The following ZNF618 variants were observed in gnomAD, a reference collection of about 807,000 sequenced individuals.
The protein encoded by ZNF618 is zinc finger protein 618.
ZNF618 carries 34 observed loss-of-function variants against 103.0 expected under a neutral mutation model. That is an observed-to-expected ratio of 0.33 (90% confidence interval 0.25 to 0.44). ZNF618 has a LOEUF of 0.44. Ranked by LOEUF, ZNF618 falls within the 20% of genes least tolerant of loss-of-function variation. The pLI, the probability that ZNF618 is intolerant of heterozygous loss-of-function variation, is 1.00. For missense variants in ZNF618, 1,059 were observed against 1,295.4 expected (o/e 0.82, Z 2.80); for synonymous variants, 551 against 542.2 (o/e 1.02, Z -0.23).
At chr9:114,000,469 A>T (rs1841078854) in intron 4 of ZNF618, among the ~76,000 whole-genome samples, 1 of 148,246 alleles carries the variant, frequency 6.7e-6, no homozygotes, top group Admixed American at 6.8e-5. Flanking sequence ...TTCTTAAAAC[A>T]TTGTAAGTCT....
rs1441658150 is a variant in ZNF618, at chr9:114,054,060, C to T, written c.*3893C>T. ...ACCAGGTGTGCAGGCTGGGAAGAGA[C>T]ATCTCTTTCAGTTTGACCCTTTATC... On this transcript the variant is annotated 3_prime_UTR_variant, in exon 15 of 15. Coordinates refer to ENST00000374126, the MANE Select transcript of ZNF618 (RefSeq NM_001318042.2). The T allele has an allele frequency of 6.6e-6, 1 of 152,616 alleles. No homozygotes were observed. Among genetic ancestry groups the T allele is most frequent in the Non-Finnish European group, 1.5e-5 (1 of 68,054 alleles). The allele number at this position is 152,616 out of a possible 1,614,324, so 9.5% of individuals were successfully genotyped here. A position where few individuals can be genotyped will look rare whatever the true frequency, so the allele number is the denominator to read the frequency against.
At chr9:114,022,008 G>A (rs1028063281) in intron 10 of ZNF618, among the ~76,000 whole-genome samples, 1 of 152,088 alleles carries the variant, frequency 6.6e-6, no homozygotes, top group Non-Finnish European at 1.5e-5. Context: ...GATATTTAGA[G>A]TATTTCTGGC....
intron 1 of ZNF618, among the ~76,000 whole-genome samples, chr9:113,945,880 G>A (rs951202916): frequency 6.6e-6 from 1 of 152,182 alleles, no homozygotes; most frequent in Non-Finnish European, 1.5e-5. Context: ...GGGATGAAAG[G>A]CGTGATATAA....
intron 1 of ZNF618, among the ~76,000 whole-genome samples, chr9:113,951,124 T>A (rs920764956): frequency 1.3e-5 from 2 of 151,602 alleles, no homozygotes; most frequent in African/African-American, 2.4e-5. Context: ...GGAGGGCTTT[T>A]GAAGAAACCT....
At chr9:114,034,329 G>A (rs1284748008) in intron 12 of ZNF618, among the ~76,000 whole-genome samples, 1 of 152,134 alleles carries the variant, frequency 6.6e-6, no homozygotes, top group Non-Finnish European at 1.5e-5. Flanking sequence ...TGGAACCGAG[G>A]TCTCCAGATG....
chr9:113,889,104 C>T (rs1036663441), intron 1 of ZNF618, among the ~76,000 whole-genome samples: 8 of 152,132 alleles, frequency 5.3e-5, no homozygotes, highest in South Asian at 2.1e-4. Flanking sequence ...AGTGGCTTAA[C>T]GCAACAATGA....
At position 113,988,513 on chromosome 9, in the gene ZNF618, T is replaced by C. The variant is rs745676167; in HGVS notation, c.270T>C (p.Asp90=). The C allele has an allele frequency of 6.2e-7, 1 of 1,612,966 alleles. No homozygotes were observed. The highest frequency in any genetic ancestry group is 8.5e-7 in the Non-Finnish European group (1 of 1,179,836). The change falls in exon 3 of 15, where the codon GAT becomes GAC. Residue 90 remains aspartate, a synonymous_variant. Transcript: ENST00000374126. ...AGGAGAAGAAGGCGGTCAGCAAGGA[T>C]GGGACCAGCGACGTGCCTGCCGAGA... The part of the protein sequence containing the change: ...AKEEKKAVSK[D]GTSDVPAEIC...
chr9:114,015,898 T>C (rs2133938211), intron 9 of ZNF618, among the ~76,000 whole-genome samples: 1 of 152,272 alleles, frequency 6.6e-6, no homozygotes, highest in East Asian at 1.9e-4. Context: ...AGGATATTGA[T>C]CAGGACTGGC....
chr9:113,943,789 G>T (rs566050381), intron 1 of ZNF618, among the ~76,000 whole-genome samples: 1 of 152,146 alleles, frequency 6.6e-6, no homozygotes, highest in African/African-American at 2.4e-5. Context: ...CCCTGCCCTG[G>T]CCTCGGCTGT....
At position 113,899,528 on chromosome 9, in the gene ZNF618, C is replaced by T. The variant is rs867717775; in HGVS notation, c.33+23115C>T. On this transcript the variant is annotated intron_variant, in intron 1 of 14. Transcript: ENST00000374126. ...CGAACCCTATTGTGAATTGTGCACA[C>T]GAGGGATCTTGGTTGCGCTCCTTAG... 2.8e-4 allele frequency among the ~76,000 whole-genome samples: 43 copies of T among 152,256 alleles called. 1 individual carries two copies. The highest frequency in any genetic ancestry group is 2.8e-3 in the Admixed American group (43 of 15,304).
chr9:113,877,642 T>C (rs1828082243), intron 1 of ZNF618, among the ~76,000 whole-genome samples: 2 of 152,060 alleles, frequency 1.3e-5, no homozygotes, highest in South Asian at 4.1e-4. Context: ...TCTGTATTTG[T>C]TGGGTTTTGT....
At chr9:113,952,505 G>A (rs1052818458) in intron 1 of ZNF618, among the ~76,000 whole-genome samples, 23 of 152,216 alleles carry the variant, frequency 1.5e-4, no homozygotes, top group African/African-American at 4.6e-4. Context: ...TGGGGGTGCA[G>A]TCTGACTCCT....
At chr9:114,028,323 C>T (rs1172274483) in intron 10 of ZNF618, 7 of 187,504 alleles carry the variant, frequency 3.7e-5, no homozygotes, top group East Asian at 1.3e-4. Flanking sequence ...CCCCCAGCCC[C>T]GGCATGTCCC....
intron 2 of ZNF618, 34 bp from the exon 3 acceptor site, chr9:113,988,287 A>G (rs996811878): frequency 2.5e-6 from 4 of 1,584,312 alleles, no homozygotes; most frequent in Middle Eastern, 1.7e-4. Flanking sequence ...GATCTGGAGG[A>G]AGAAGGTATT....
intron 2 of ZNF618, among the ~76,000 whole-genome samples, chr9:113,981,902 G>A (rs190607047): frequency 2.2e-3 from 339 of 152,308 alleles, no homozygotes; most frequent in Non-Finnish European, 3.9e-3. Flanking sequence ...CCCGGGCCCC[G>A]TTCTGTGCCT....
At chr9:113,981,727 T>C (rs1234900898) in intron 2 of ZNF618, among the ~76,000 whole-genome samples, 1 of 152,246 alleles carries the variant, frequency 6.6e-6, no homozygotes, top group Non-Finnish European at 1.5e-5. Context: ...CTGCAAGCTT[T>C]AGTGACAACA....
chr9:114,014,917 GA>G (rs1248926262), intron 9 of ZNF618, among the ~76,000 whole-genome samples: 1 of 152,152 alleles, frequency 6.6e-6, no homozygotes, highest in Non-Finnish European at 1.5e-5. Flanking sequence ...AGTTCACAGT[GA>G]AGATTTTGAT....
At chr9:113,938,759 G>A (rs982076862) in intron 1 of ZNF618, among the ~76,000 whole-genome samples, 5 of 151,614 alleles carry the variant, frequency 3.3e-5, no homozygotes, top group African/African-American at 1.2e-4. Context: ...TAGTAGAGAC[G>A]GGGTTTCATC....
chr9:113,987,998 A>G (rs949385045), intron 2 of ZNF618, among the ~76,000 whole-genome samples: 1 of 152,192 alleles, frequency 6.6e-6, no homozygotes, highest in African/African-American at 2.4e-5. Flanking sequence ...AACTCCAGTT[A>G]TGATAAGTGC....
Sources: allele counts gnomAD v4.1 joint callset (sites outside exome capture counted in the v4.1 genomes callset), GRCh38; gene constraint gnomAD v4.1.1; transcripts MANE v1.5; gene names NCBI Gene and HGNC (gene_info 2026-07-23, HGNC 2026-07-21).